The following CACNA1C variants were observed in gnomAD, a reference collection of about 807,000 sequenced individuals.
CACNA1C encodes the protein calcium voltage-gated channel subunit alpha1 C.
A neutral mutation model predicts 229.0 loss-of-function variants in CACNA1C; 30 were observed. The observed-to-expected ratio is 0.13, with a 90% CI of 0.10 to 0.18. The LOEUF (loss-of-function observed/expected upper bound fraction) is 0.18. CACNA1C is among the 10% of genes least tolerant of loss of function. The probability of loss-of-function intolerance (pLI) is 1.00; values close to 1 mark genes in which losing one functional copy is unlikely to be tolerated. For missense variants in CACNA1C, 1,658 were observed against 2,845.0 expected (o/e 0.58, Z 9.49); for synonymous variants, 1,114 against 1,132.5 (o/e 0.98, Z 0.33).
At chr12:2,609,003 A>C (rs570600360) in intron 27 of CACNA1C, among the ~76,000 whole-genome samples, 1 of 152,372 alleles carries the variant, frequency 6.6e-6, no homozygotes, top group African/African-American at 2.4e-5. Flanking sequence ...CCTATATAGA[A>C]GTTAACAAGT....
rs2098459288 is a variant in CACNA1C at position 2,390,207 on chromosome 12, A to G, written c.478-58769A>G. 2.6e-5 allele frequency among the ~76,000 whole-genome samples: 4 copies of G among 152,174 alleles called. No individual in the cohort carries two copies. In the South Asian group the frequency reaches 8.3e-4, roughly 31 times the overall value. ...GGGCGACCATGTAATTTTGCATTCA[A>G]ACAGAGATGCCAAAGGGGGCCCTGA... On this transcript the variant is annotated intron_variant, in intron 3 of 46. Transcript: ENST00000399655.
At chr12:2,578,479 C>T (rs1004443244) in intron 13 of CACNA1C, among the ~76,000 whole-genome samples, 9 of 152,138 alleles carry the variant, frequency 5.9e-5, no homozygotes, top group African/African-American at 2.2e-4. Context: ...ACTGAGGCTT[C>T]GTGGGCCTCA....
intron 1 of CACNA1C, among the ~76,000 whole-genome samples, chr12:1,989,800 T>C (rs183014512): frequency 6.6e-6 from 1 of 152,258 alleles, no homozygotes; most frequent in Admixed American, 6.5e-5. Context: ...TATTTCCATA[T>C]GCTAATATCT....
Position 2,271,148 on chromosome 12 carries a change from G to A in CACNA1C, c.477+150718G>A, listed in dbSNP as rs1472782992. The stretch of plus-strand genomic sequence containing the variant: ...GTAGCCACCTGCCACTACTCAGGCC[G>A]GGTTGGAAGGGCCTGTGAGGGGTGG... On this transcript the variant is annotated intron_variant, in intron 3 of 46. Coordinates refer to ENST00000399655, the MANE Select transcript of CACNA1C (RefSeq NM_000719.7). Among the ~76,000 whole-genome samples, 7 of 152,284 alleles carry A rather than the reference G, an allele frequency of 4.6e-5. No homozygotes were observed. In the South Asian group the frequency reaches 6.2e-4, roughly 14 times the overall value.
intron 11 of CACNA1C, among the ~76,000 whole-genome samples, chr12:2,563,271 C>T (rs1434417924): frequency 1.3e-5 from 2 of 152,206 alleles, no homozygotes; most frequent in African/African-American, 2.4e-5. Flanking sequence ...TTTCTTCATT[C>T]ATTTGCTGAT....
intron 6 of CACNA1C, among the ~76,000 whole-genome samples, chr12:2,487,266 G>A (rs566398095): frequency 2.0e-5 from 3 of 151,490 alleles, no homozygotes; most frequent in South Asian, 2.1e-4. Flanking sequence ...ATCATCTGCC[G>A]GAAACAGTGA....
At chr12:2,228,247 TTTA>T (rs2063615686) in intron 3 of CACNA1C, among the ~76,000 whole-genome samples, 1 of 152,206 alleles carries the variant, frequency 6.6e-6, no homozygotes, top group Non-Finnish European at 1.5e-5. Flanking sequence ...TCAACCAACA[TTTA>T]TTGAGTGCAT....
intron 3 of CACNA1C, among the ~76,000 whole-genome samples, chr12:2,308,269 T>C (rs1304826240): frequency 2.0e-5 from 3 of 152,240 alleles, no homozygotes; most frequent in African/African-American, 7.2e-5. Context: ...TTTTTTGTTA[T>C]TGAGATGTAT....
intron 3 of CACNA1C, among the ~76,000 whole-genome samples, chr12:2,137,390 G>T (rs983113459): frequency 6.6e-6 from 1 of 150,954 alleles, no homozygotes; most frequent in Admixed American, 6.7e-5. Context: ...GCTCCGCCCA[G>T]CTCTACCAAA....
At chr12:2,235,661 A>G (rs1375307223) in intron 3 of CACNA1C, among the ~76,000 whole-genome samples, 2 of 152,122 alleles carry the variant, frequency 1.3e-5, no homozygotes, top group African/African-American at 4.8e-5. Flanking sequence ...ATTACGCTTC[A>G]GGTTGTATTT....
chr12:2,597,501 T>G lies in CACNA1C; in HGVS notation c.2853+212T>G, dbSNP rs188733100. On this transcript the variant is annotated intron_variant, in intron 21 of 46. Transcript: ENST00000399655. This position sits in a 1 kb window ranked among gnomAD's most constrained non-coding sequence, Gnocchi z 4.3. ...ACATTAGAAATTATCCTTAAGGTAA[T>G]GCAACCTGGGCAATGCATCCTCTGT... 6.4e-7 allele frequency: 1 copy of G among 1,572,976 alleles called. No individual in the cohort carries two copies. Among genetic ancestry groups the G allele is most frequent in the Non-Finnish European group, 8.8e-7 (1 of 1,142,646 alleles).
chr12:2,464,625 C>T (rs1468668747), intron 5 of CACNA1C, among the ~76,000 whole-genome samples: 4 of 152,280 alleles, frequency 2.6e-5, no homozygotes, highest in South Asian at 2.1e-4. Context: ...AAGGACTTTT[C>T]GTGGGATACG....
At position 2,665,079 on chromosome 12, in the gene CACNA1C, G is replaced by C; in HGVS notation, c.4398+89G>C. On this transcript the variant is annotated intron_variant, in intron 35 of 46. Coordinates refer to ENST00000399655, the MANE Select transcript of CACNA1C (RefSeq NM_000719.7). This position sits in a 1 kb window ranked among gnomAD's most constrained non-coding sequence, Gnocchi z 5.9. ...CGTCCATCTCTGCAGCTCATGGTCA[G>C]GGCAACCCTATCAGAGGAGCTGGCT... The C allele has an allele frequency of 7.2e-7, 1 of 1,394,582 alleles. No individual in the cohort carries two copies. The highest frequency in any genetic ancestry group is 1.0e-6 in the Non-Finnish European group (1 of 994,440). The allele number at this position is 1,394,582 out of a possible 1,614,324, so 86.4% of individuals were successfully genotyped here. A position where few individuals can be genotyped will look rare whatever the true frequency, so the allele number is the denominator to read the frequency against.
intron 3 of CACNA1C, among the ~76,000 whole-genome samples, chr12:2,406,294 A>G (rs1430464626): frequency 6.6e-6 from 1 of 152,084 alleles, no homozygotes; most frequent in Non-Finnish European, 1.5e-5. Context: ...CTGTAGGTTT[A>G]TGTCTTTTGC....
chr12:2,186,014 G>A (rs986240160), intron 3 of CACNA1C, among the ~76,000 whole-genome samples: 4 of 152,146 alleles, frequency 2.6e-5, no homozygotes, highest in Non-Finnish European at 5.9e-5. Context: ...GCCGCTCTCT[G>A]GCTCCTTTTC....
At chr12:2,517,505 AGGCAAAAAAGG>A (rs1198999887) in intron 9 of CACNA1C, among the ~76,000 whole-genome samples, 3 of 152,266 alleles carry the variant, frequency 2.0e-5, no homozygotes, top group African/African-American at 7.2e-5. Flanking sequence ...AGAGCCAAAA[AGGCAAAAAAGG>A]GGCAAGAAAG....
chr12:1,999,208 G>C (rs2041624604), intron 1 of CACNA1C, among the ~76,000 whole-genome samples: 1 of 152,216 alleles, frequency 6.6e-6, no homozygotes, highest in Admixed American at 6.5e-5. Flanking sequence ...AGGTGATTCT[G>C]ATGTATGCTA....
chr12:2,375,911 A>C (rs1313979432), intron 3 of CACNA1C, among the ~76,000 whole-genome samples: 1 of 152,202 alleles, frequency 6.6e-6, no homozygotes, highest in African/African-American at 2.4e-5. Flanking sequence ...CCTGGGATGA[A>C]ACCAGTCAGG....
intron 30 of CACNA1C, among the ~76,000 whole-genome samples, chr12:2,645,061 A>G (rs1378648524): frequency 6.6e-5 from 10 of 152,254 alleles, no homozygotes; most frequent in Non-Finnish European, 1.5e-4. Context: ...TTGCCCCAAT[A>G]TCATGAAATC....
Sources: gnomAD v4.1 joint callset for allele counts (sites outside exome capture counted in the v4.1 genomes callset) on GRCh38, gnomAD v4.1.1 for gene constraint, Gnocchi (gnomAD v3.1) non-coding constraint, MANE v1.5 for transcripts, NCBI Gene and HGNC (gene_info 2026-07-23, HGNC 2026-07-21) for gene names.